SCUBE1: variants seen among roughly 807,000 people sequenced by gnomAD.
SCUBE1 encodes the protein signal peptide, CUB domain and EGF like domain containing 1.
A neutral mutation model predicts 124.4 loss-of-function variants in SCUBE1; 59 were observed. The observed-to-expected ratio is 0.47, with a 90% CI of 0.38 to 0.59. SCUBE1 has a LOEUF of 0.59. Among genes scored for constraint, SCUBE1 ranks in the 20% least tolerant of loss-of-function variants. SCUBE1 has a pLI of 0.00. For missense variants in SCUBE1, 1,150 were observed against 1,371.2 expected, an observed-to-expected ratio of 0.84 and a Z score of 2.55; for synonymous variants, 545 against 550.9, an observed-to-expected ratio of 0.99 and a Z score of 0.15.
At chr22:43,260,268 A>G (rs1170663824) in intron 5 of SCUBE1, among the ~76,000 whole-genome samples, 1 of 152,228 alleles carries the variant, frequency 6.6e-6, no homozygotes, top group East Asian at 1.9e-4. Context: ...TGTTCCCTCC[A>G]CATAGTCATT....
intron 1 of SCUBE1, among the ~76,000 whole-genome samples, chr22:43,341,449 T>C (rs781131177): frequency 4.6e-5 from 7 of 152,102 alleles, no homozygotes; most frequent in Non-Finnish European, 8.8e-5. Flanking sequence ...GCCACAGATA[T>C]GGCTCTTCCC....
chr22:43,253,079 CCCTA>C (rs1923519484), intron 6 of SCUBE1, among the ~76,000 whole-genome samples: 1 of 148,188 alleles, frequency 6.7e-6, no homozygotes, highest in Admixed American at 6.7e-5. Context: ...ACGGTCACCT[CCCTA>C]CCTAAGTCCG....
At chr22:43,307,477 A>G (rs1926012495) in intron 3 of SCUBE1, among the ~76,000 whole-genome samples, 1 of 152,240 alleles carries the variant, frequency 6.6e-6, no homozygotes, top group South Asian at 2.1e-4. Context: ...CAACGACTGC[A>G]TCCTGCTGGG....
intron 3 of SCUBE1, 136 bp downstream of exon 3, chr22:43,319,801 T>C: frequency 9.5e-7 from 1 of 1,056,428 alleles, no homozygotes; most frequent in Admixed American, 2.6e-5. Flanking sequence ...CTGTGGTATT[T>C]TGTTATGACA....
rs780413442 is a variant in SCUBE1 at position 43,203,983 on chromosome 22, GC to G, written c.*13del. 9 of 1,613,698 alleles carry G rather than the reference GC, an allele frequency of 5.6e-6. No individual in the cohort carries two copies. The highest frequency in any genetic ancestry group is 6.8e-6 in the Non-Finnish European group (8 of 1,179,880). Reference sequence around the variant, plus strand: ...GCGGACCAGGCCACCCCCAGGCAGGGCCGCTCCCCCCGGTTATTTGTAGGGC... The same window carrying G: ...GCGGACCAGGCCACCCCCAGGCAGGGCGCTCCCCCCGGTTATTTGTAGGGC... On this transcript the variant is annotated 3_prime_UTR_variant, in exon 22 of 22. Transcript: ENST00000360835.
At chr22:43,225,437 A>G (rs754617713) in intron 10 of SCUBE1, among the ~76,000 whole-genome samples, 4 of 151,860 alleles carry the variant, frequency 2.6e-5, no homozygotes, top group Non-Finnish European at 5.9e-5. Context: ...CCTAAGTGTT[A>G]GGATCTTGGA....
chr22:43,211,498 G>T lies in SCUBE1; in HGVS notation c.2222-415C>A, dbSNP rs12166879. 0.074 allele frequency among the ~76,000 whole-genome samples: 11,145 copies of T among 151,336 alleles called. 758 individuals are homozygous for T. Among genetic ancestry groups the T allele is most frequent in the African/African-American group, 0.17 (6,972 of 40,878 alleles). On this transcript the variant is annotated intron_variant, in intron 17 of 21. Transcript: ENST00000360835. This position sits in a 1 kb window ranked among gnomAD's most constrained non-coding sequence, Gnocchi z 4.5. Reference sequence around the variant, plus strand: ...GCCGGAGTCTGAGGGGTGCCGGGGCGGGGGGCTAGAGATGGGCAATTCTTT... The same window carrying T: ...GCCGGAGTCTGAGGGGTGCCGGGGCTGGGGGCTAGAGATGGGCAATTCTTT...
At position 43,238,901 on chromosome 22, in the gene SCUBE1, T is replaced by G; in HGVS notation, c.781A>C (p.Thr261Pro). The change falls in exon 7 of 22, where the codon ACT becomes CCT. Residue 261 changes from threonine to proline, a missense_variant. Physicochemically the swap from Thr to Pro is conservative, Grantham distance 38. Around this residue, in one of 3 missense-constraint regions of SCUBE1, gnomAD observed 337 missense variants for 482.1 expected, o/e 0.70. Transcript: ENST00000360835. The part of the protein sequence containing the change: ...GCDRTCKDTA[T>P]GVRCSCPVGF... ...ACGGGGCAGCTGCATCGCACGCCAG[T>G]GGCTGTGTCCTTGCATGTCCGGTCG... 1 of 1,613,182 alleles carries G rather than the reference T, an allele frequency of 6.2e-7. No homozygotes were observed.
intron 4 of SCUBE1, among the ~76,000 whole-genome samples, chr22:43,276,163 G>A (rs1006369456): frequency 4.6e-5 from 7 of 152,212 alleles, no homozygotes; most frequent in Admixed American, 6.5e-5. Flanking sequence ...GCTGCGTTTG[G>A]TTTTGGGCAG....
intron 17 of SCUBE1, among the ~76,000 whole-genome samples, 166 bp downstream of exon 17, chr22:43,212,259 C>T (rs888999068): frequency 2.0e-5 from 3 of 152,214 alleles, no homozygotes; most frequent in Non-Finnish European, 2.9e-5. Context: ...TGTCCTAATG[C>T]GGGGCACAGT....
chr22:43,233,141 G>A (rs887949155), intron 7 of SCUBE1, among the ~76,000 whole-genome samples: 1 of 152,196 alleles, frequency 6.6e-6, no homozygotes, highest in Admixed American at 6.5e-5. Flanking sequence ...GAGGCGGGCG[G>A]ATCACCTGAG....
intron 20 of SCUBE1, 108 bp from the exon 21 acceptor site, chr22:43,207,721 C>G: frequency 1.2e-6 from 1 of 867,810 alleles, no homozygotes; most frequent in Non-Finnish European, 1.9e-6. Flanking sequence ...GCCACGGGCT[C>G]TGGGCTATGG....
chr22:43,311,188 A>G (rs565931529), intron 3 of SCUBE1, among the ~76,000 whole-genome samples: 14 of 152,058 alleles, frequency 9.2e-5, no homozygotes, highest in African/African-American at 3.1e-4. Flanking sequence ...TTGTTTTATT[A>G]TTTTTTTCAG....
intron 2 of SCUBE1, among the ~76,000 whole-genome samples, chr22:43,321,021 C>A (rs1203481969): frequency 6.6e-6 from 1 of 152,162 alleles, no homozygotes; most frequent in Non-Finnish European, 1.5e-5. Context: ...TCATCTCAAC[C>A]GGCAGTCACC....
chr22:43,208,349 G>A, intron 19 of SCUBE1, 125 bp from the exon 20 acceptor site: 7 of 852,662 alleles, frequency 8.2e-6, no homozygotes, highest in South Asian at 3.1e-5. Flanking sequence ...CAAACACAAC[G>A]GCTTAGTCTT....
intron 1 of SCUBE1, among the ~76,000 whole-genome samples, chr22:43,340,663 T>C (rs1927284315): frequency 6.6e-6 from 1 of 152,130 alleles, no homozygotes; most frequent in African/African-American, 2.4e-5. Flanking sequence ...AAATCTGTTA[T>C]GGGTCAGTAG....
intron 3 of SCUBE1, among the ~76,000 whole-genome samples, chr22:43,314,992 T>C (rs1255732559): frequency 6.6e-6 from 1 of 151,020 alleles, no homozygotes; most frequent in Non-Finnish European, 1.5e-5. Flanking sequence ...TAACTGTGGC[T>C]GAGATGGAAT....
rs1350378306 is a variant in SCUBE1 at position 43,210,952 on chromosome 22, C to T, written c.2353G>A (p.Asp785Asn). 3 of 1,613,966 alleles carry T rather than the reference C, an allele frequency of 1.9e-6. No homozygotes were observed. The highest frequency in any genetic ancestry group is 1.7e-5 in the Admixed American group (1 of 60,004). The change falls in exon 18 of 22, where the codon GAT (aspartate) becomes AAT (asparagine). Residue 785 changes from aspartate to asparagine, a missense_variant. Around this residue, in one of 3 missense-constraint regions of SCUBE1, gnomAD observed 757 missense variants for 840.9 expected, o/e 0.90. Transcript: ENST00000360835. The surrounding 1 kb of genome is among the most constrained non-coding windows in gnomAD (Gnocchi z 4.5). ...CAGTGTGTGACGTTGGTGGAGCCAT[C>T]GAAGTCTGTGCTGGTGTTGCCCGGA... ...TCPGNTSTDF[D>N]GSTNVTHCKN... is the part of the protein sequence containing the mutation.
At chr22:43,292,556 AACACACACAC>A (rs3985926) in intron 3 of SCUBE1, among the ~76,000 whole-genome samples, 21 of 139,676 alleles carry the variant, frequency 1.5e-4, no homozygotes, top group Admixed American at 4.9e-4. Flanking sequence ...CCCGGTCCCT[AACACACACAC>A]ACACACACAC....
Sources: allele counts gnomAD v4.1 joint callset (sites outside exome capture counted in the v4.1 genomes callset), GRCh38; gene constraint gnomAD v4.1.1; regional missense constraint gnomAD v4.1.1; non-coding constraint Gnocchi (gnomAD v3.1); transcripts MANE v1.5; gene names NCBI Gene and HGNC (gene_info 2026-07-23, HGNC 2026-07-21).